Variants in WNK2 observed in about 807,000 individuals in gnomAD.
WNK2 encodes the protein serine/threonine-protein kinase WNK2.
A neutral mutation model predicts 192.1 loss-of-function variants in WNK2; 67 were observed. The ratio of observed to expected loss-of-function variants is 0.35; its 90% CI spans 0.29 to 0.43. WNK2 has a LOEUF of 0.43. WNK2 is among the 20% of genes least tolerant of loss of function. The pLI, the probability that WNK2 is intolerant of heterozygous loss-of-function variation, is 1.00. For missense variants in WNK2, 2,698 were observed against 3,089.7 expected (o/e 0.87, Z 3.01); for synonymous variants, 1,439 against 1,393.9 (o/e 1.03, Z -0.72).
At chr9:93,319,986 C>A (rs571897488) in intron 29 of WNK2, among the ~76,000 whole-genome samples, 2 of 152,348 alleles carry the variant, frequency 1.3e-5, no homozygotes, top group South Asian at 4.1e-4. Context: ...GGCTGTGGGG[C>A]CACCTCCTCA....
chr9:93,268,144 G>A, intron 18 of WNK2, 79 bp downstream of exon 18: 2 of 1,534,252 alleles, frequency 1.3e-6, no homozygotes, highest in South Asian at 2.4e-5. Flanking sequence ...CAGGGGTTTG[G>A]CCATTGCTTG....
chr9:93,287,931 A>G (rs1163100056), intron 19 of WNK2, among the ~76,000 whole-genome samples: 1 of 152,076 alleles, frequency 6.6e-6, no homozygotes, highest in African/African-American at 2.4e-5. Flanking sequence ...CTGTGGTCCG[A>G]GCTACAAGGA....
At position 93,253,006 on chromosome 9, in the gene WNK2, GC is replaced by G. The variant is rs1490586947; in HGVS notation, c.1964del (p.Pro655LeufsTer2). The G allele has an allele frequency of 2.6e-6, 4 of 1,558,490 alleles. No homozygotes were observed. Among genetic ancestry groups the G allele is most frequent in the East Asian group, 2.5e-5 (1 of 40,562 alleles). On this transcript the variant is annotated frameshift_variant, in exon 9 of 30. Coordinates refer to ENST00000427277, the MANE Select transcript of WNK2 (RefSeq NM_006648.4). LOFTEE classifies it high-confidence loss of function. ...AAPSPAQCVC[S>X]PPVSEGPVLP... is the part of the protein sequence containing the mutation. ...CCGTCCCCGGCCCAGTGTGTGTGCA[GC>G]CCCCCTGTGAGCGAGGGGCCCGTCC... is the stretch of plus-strand genomic sequence containing the variant.
chr9:93,261,434 A>G (rs941309226), intron 12 of WNK2, among the ~76,000 whole-genome samples: 2 of 152,236 alleles, frequency 1.3e-5, no homozygotes, highest in South Asian at 2.1e-4. Context: ...CTGAGGCCCT[A>G]TGCACACTCT....
intron 2 of WNK2, among the ~76,000 whole-genome samples, chr9:93,188,460 T>C (rs1829741860): frequency 6.6e-6 from 1 of 152,212 alleles, no homozygotes; most frequent in African/African-American, 2.4e-5. Flanking sequence ...CCTTCTGAAT[T>C]CTCCAGATGT....
At chr9:93,185,638 T>G (rs1282173582) in intron 2 of WNK2, 28 bp downstream of exon 2, 1 of 1,593,788 alleles carries the variant, frequency 6.3e-7, no homozygotes, top group Non-Finnish European at 8.5e-7. Context: ...CGCAGGGGGC[T>G]TTCCGCAGGG....
Position 93,185,184 on chromosome 9 carries a change from C to T in WNK2, c.255C>T (p.Ile85=), listed in dbSNP as rs1162102768. 20 of 1,188,330 alleles carry T rather than the reference C, an allele frequency of 1.7e-5. No homozygotes were observed. The East Asian group carries it at 8.1e-4, about 48-fold the overall frequency. 73.6% of individuals were successfully genotyped at this position (1,188,330 alleles called of 1,614,324 possible). Residue 85 remains isoleucine (I), a synonymous_variant, in exon 2 of 30, where the codon ATC becomes ATT. Coordinates refer to ENST00000427277, the MANE Select transcript of WNK2 (RefSeq NM_006648.4). ...TGCTCTGCAAGACGCGCCGCCTCATCGCGGAGCGCGCCCGCGGACGCCCCG... is the reference window on the plus strand; with the variant it reads ...TGCTCTGCAAGACGCGCCGCCTCATTGCGGAGCGCGCCCGCGGACGCCCCG... The part of the protein sequence containing the change: ...VLLLCKTRRL[I]AERARGRPAA...
chr9:93,189,672 C>G (rs1829971226), intron 2 of WNK2, among the ~76,000 whole-genome samples: 1 of 152,352 alleles, frequency 6.6e-6, no homozygotes, highest in East Asian at 1.9e-4. Context: ...CAGCCTCTCT[C>G]CCAGCCGCTG....
chr9:93,186,453 G>C (rs1271844331), intron 2 of WNK2, among the ~76,000 whole-genome samples: 2 of 152,190 alleles, frequency 1.3e-5, no homozygotes, highest in East Asian at 3.9e-4. Flanking sequence ...TGCCTGTCCA[G>C]GGGGTGTTTA....
chr9:93,257,704 C>A lies in WNK2; in HGVS notation c.2382+565C>A, dbSNP rs914783186. On this transcript the variant is annotated intron_variant, in intron 11 of 29. Coordinates refer to ENST00000427277, the MANE Select transcript of WNK2 (RefSeq NM_006648.4). This position sits in a 1 kb window ranked among gnomAD's most constrained non-coding sequence, Gnocchi z 4.7. The stretch of plus-strand genomic sequence containing the variant: ...CTCCAGGGCCGTGTGGCATGTGGCT[C>A]CTCGGAGTTCCAAAGCCAGCCTGTG... Among the ~76,000 whole-genome samples the A allele has an allele frequency of 6.6e-6, 1 of 152,206 alleles. No homozygotes were observed. Among genetic ancestry groups the A allele is most frequent in the Non-Finnish European group, 1.5e-5 (1 of 68,040 alleles).
rs1184468900 is a variant in WNK2 at position 93,217,062 on chromosome 9, G to A, written c.682-12634G>A. Among the ~76,000 whole-genome samples the A allele has an allele frequency of 2.6e-5, 4 of 151,830 alleles. No homozygotes were observed. In the East Asian group the frequency reaches 5.8e-4, roughly 22 times the overall value. Reference sequence around the variant, plus strand: ...CAACCTCTGCCTCCCAGGTTCAAGCGATTGTCCTGCCTCAGCCTCCCAAGT... The same window carrying A: ...CAACCTCTGCCTCCCAGGTTCAAGCAATTGTCCTGCCTCAGCCTCCCAAGT... On this transcript the variant is annotated intron_variant, in intron 2 of 29. Transcript: ENST00000427277.
At chr9:93,228,180 A>AGGGGCCC (rs1393552993) in intron 2 of WNK2, among the ~76,000 whole-genome samples, 7 of 152,176 alleles carry the variant, frequency 4.6e-5, no homozygotes, top group African/African-American at 1.7e-4. Context: ...ACTGCAATGA[A>AGGGGCCC]GGGGCCCATG....
intron 28 of WNK2, among the ~76,000 whole-genome samples, chr9:93,314,796 C>T (rs1854317203): frequency 6.6e-6 from 1 of 152,032 alleles, no homozygotes; most frequent in African/African-American, 2.4e-5. Context: ...CTGATGATTT[C>T]CCATGGAAAC....
intron 7 of WNK2, among the ~76,000 whole-genome samples, chr9:93,244,585 C>A (rs932079850): frequency 6.6e-6 from 1 of 152,188 alleles, no homozygotes; most frequent in Non-Finnish European, 1.5e-5. Flanking sequence ...AGCAGGAGGA[C>A]GTGGCCTTGG....
At position 93,229,921 on chromosome 9, in the gene WNK2, A is replaced by C; in HGVS notation, c.854+53A>C. 1 of 1,584,170 alleles carries C rather than the reference A, an allele frequency of 6.3e-7. No homozygotes were observed. Among genetic ancestry groups the C allele is most frequent in the Non-Finnish European group, 8.6e-7 (1 of 1,162,918 alleles). On this transcript the variant is annotated intron_variant, in intron 3 of 29. Coordinates refer to ENST00000427277, the MANE Select transcript of WNK2 (RefSeq NM_006648.4). This position sits in a 1 kb window ranked among gnomAD's most constrained non-coding sequence, Gnocchi z 4.9. ...CGGGTCCTGGCATGGGTGCAGGGCT[A>C]CCATAGCTGAGGGTGAGGTCTTGGG...
chr9:93,256,659 G>T, intron 10 of WNK2: 1 of 690,948 alleles, frequency 1.4e-6, no homozygotes, highest in South Asian at 2.0e-5. Flanking sequence ...GTGTGTTTGT[G>T]TGCGTGCATA....
chr9:93,316,985 G>A (rs1217356878), intron 28 of WNK2: 2 of 170,638 alleles, frequency 1.2e-5, no homozygotes, highest in Non-Finnish European at 1.3e-5. Flanking sequence ...GGAGAGGAGT[G>A]ACTCCCCGTG....
At chr9:93,201,843 A>G (rs975123039) in intron 2 of WNK2, among the ~76,000 whole-genome samples, 2 of 152,224 alleles carry the variant, frequency 1.3e-5, no homozygotes, top group Non-Finnish European at 1.5e-5. Context: ...AGATGGTGAC[A>G]TTGGAACGTT....
chr9:93,185,041 C>A lies in WNK2; in HGVS notation c.112C>A (p.Pro38Thr). ...EPRAKAARPG[P>T]QRFLRRSVVE... The stretch of plus-strand genomic sequence containing the variant: ...TCGGGCGAAGGCGGCGCGGCCGGGG[C>A]CCCAGCGCTTTCTGCGGCGCAGCGT... The change falls in exon 2 of 30, where the codon CCC becomes ACC. Residue 38 changes from proline (P) to threonine (T), a missense_variant. Coordinates refer to ENST00000427277, the MANE Select transcript of WNK2 (RefSeq NM_006648.4). 1 of 1,289,320 alleles carries A rather than the reference C, an allele frequency of 7.8e-7. No individual in the cohort carries two copies. The highest frequency in any genetic ancestry group is 9.8e-7 in the Non-Finnish European group (1 of 1,018,790). The allele number at this position is 1,289,320 out of a possible 1,614,324, so 79.9% of individuals were successfully genotyped here.
Sources: gnomAD v4.1 joint callset for allele counts (sites outside exome capture counted in the v4.1 genomes callset) on GRCh38, gnomAD v4.1.1 for gene constraint, Gnocchi (gnomAD v3.1) non-coding constraint, MANE v1.5 for transcripts, NCBI Gene and HGNC (gene_info 2026-07-23, HGNC 2026-07-21) for gene names.